PDE8B: variants seen among roughly 807,000 people sequenced by gnomAD.
PDE8B encodes phosphodiesterase 8B.
In PDE8B, 26 loss-of-function variants were observed where a neutral mutation model predicts 101.3. The observed-to-expected ratio is 0.26, with a 90% confidence interval of 0.19 to 0.36. The LOEUF is 0.36. PDE8B is among the 10% of genes least tolerant of loss of function. The pLI is 1.00. For synonymous variants in PDE8B, 424 were observed against 429.3 expected (o/e 0.99, Z 0.15); for missense variants, 810 against 1,163.1 (o/e 0.70, Z 4.42).
intron 1 of PDE8B, among the ~76,000 whole-genome samples, chr5:77,276,528 C>G (rs1270283227): frequency 1.3e-5 from 2 of 152,140 alleles, no homozygotes; most frequent in East Asian, 3.9e-4. Flanking sequence ...CAATAAATAC[C>G]TGGTGAATGA....
At chr5:77,166,717 T>A in the PDE8B span, 1 of 152,220 alleles carries the variant, frequency 6.6e-6, no homozygotes. Flanking sequence ...AGAGAGCCTG[T>A]GCTGCTGAGC....
intron 10 of PDE8B, among the ~76,000 whole-genome samples, chr5:77,363,968 T>C (rs1783633126): frequency 6.6e-6 from 1 of 152,140 alleles, no homozygotes; most frequent in South Asian, 2.1e-4. Flanking sequence ...GTGTTTGGGC[T>C]GAAGTAGATC....
At chr5:77,411,862 C>G (rs1794635639) in intron 15 of PDE8B, 141 bp downstream of exon 15, 1 of 761,988 alleles carries the variant, frequency 1.3e-6, no homozygotes, top group Non-Finnish European at 2.3e-6. Flanking sequence ...ACATTTAAAA[C>G]TAGTCTCCTA....
At chr5:77,367,834 G>T (rs1581273424) in intron 10 of PDE8B, among the ~76,000 whole-genome samples, 2 of 152,098 alleles carry the variant, frequency 1.3e-5, no homozygotes, top group African/African-American at 4.8e-5. Context: ...TAGCTGGGAA[G>T]TTCTACCGTT....
chr5:77,384,307 GT>G (rs1429845226), intron 10 of PDE8B, among the ~76,000 whole-genome samples: 7 of 152,196 alleles, frequency 4.6e-5, no homozygotes, highest in African/African-American at 1.4e-4. Flanking sequence ...AGGAATGCTT[GT>G]GATTTTTGCA....
intron 11 of PDE8B, 118 bp from the exon 12 acceptor site, chr5:77,404,602 T>C: frequency 1.5e-6 from 1 of 684,380 alleles, no homozygotes. Flanking sequence ...AAAATTATTT[T>C]ATAGTGCTTA....
chr5:77,323,739 A>C (rs895742805), intron 2 of PDE8B, among the ~76,000 whole-genome samples: 3 of 152,096 alleles, frequency 2.0e-5, no homozygotes, highest in African/African-American at 4.8e-5. Context: ...TGGGCGGATC[A>C]TGAGGTCAGG....
intron 1 of PDE8B, among the ~76,000 whole-genome samples, chr5:77,275,393 TA>T (rs5868862): frequency 0.51 from 78,052 of 151,784 alleles, 20,274 homozygotes; most frequent in South Asian, 0.66. Flanking sequence ...GAGGACCACT[TA>T]AAAAATTCTT....
At chr5:77,388,823 C>T (rs1034845833) in intron 10 of PDE8B, among the ~76,000 whole-genome samples, 5 of 152,118 alleles carry the variant, frequency 3.3e-5, no homozygotes, top group Admixed American at 6.5e-5. Context: ...TACTGAGCTG[C>T]GGTGGGCTCC....
At chr5:77,337,545 G>A (rs908770123) in intron 6 of PDE8B, among the ~76,000 whole-genome samples, 5 of 152,128 alleles carry the variant, frequency 3.3e-5, no homozygotes, top group African/African-American at 1.2e-4. Context: ...ACTATTTACA[G>A]AATTTTAAAA....
chr5:77,400,140 TTTC>T, intron 10 of PDE8B, 105 bp from the exon 11 acceptor site: 2 of 800,072 alleles, frequency 2.5e-6, no homozygotes, highest in Admixed American at 3.6e-5. Context: ...AGCTTCTTGC[TTTC>T]TTCAAGTCTT....
At chr5:77,099,908 C>A in the PDE8B span, among the ~76,000 whole-genome samples, 518 of 152,304 alleles carry the variant, frequency 3.4e-3, 3 homozygotes, top group African/African-American at 0.012. Context: ...CAACGCCCGG[C>A]CCGGGGTGAC....
At chr5:77,362,363 A>G (rs1258294462) in intron 10 of PDE8B, among the ~76,000 whole-genome samples, 2 of 152,220 alleles carry the variant, frequency 1.3e-5, no homozygotes, top group East Asian at 1.9e-4. Context: ...TCCCTTCCCA[A>G]GCACATTACT....
chr5:77,123,196 G>C, the PDE8B span, among the ~76,000 whole-genome samples: 1 of 152,070 alleles, frequency 6.6e-6, no homozygotes, highest in Non-Finnish European at 1.5e-5. Context: ...CCTATTGGTA[G>C]GCAATCTCTG....
At chr5:77,209,379 A>G (rs541310934), upstream of PDE8B, among the ~76,000 whole-genome samples, 28 of 152,280 alleles carry the variant, frequency 1.8e-4, no homozygotes, top group African/African-American at 6.7e-4. Context: ...AAAAAAAAAC[A>G]AAAAACAAAC....
intron 1 of PDE8B, among the ~76,000 whole-genome samples, chr5:77,284,864 A>G (rs542985973): frequency 9.8e-5 from 15 of 152,330 alleles, no homozygotes; most frequent in African/African-American, 2.4e-4. Flanking sequence ...TCACAATTCA[A>G]TGTTAATGGA....
the PDE8B span, among the ~76,000 whole-genome samples, chr5:77,161,047 T>C: frequency 2.0e-5 from 3 of 152,360 alleles, no homozygotes; most frequent in African/African-American, 7.2e-5. Flanking sequence ...TGGATGTTTA[T>C]TATGAATTTT....
chr5:77,388,705 A>G (rs1041200019), intron 10 of PDE8B, among the ~76,000 whole-genome samples: 2 of 152,090 alleles, frequency 1.3e-5, no homozygotes, highest in Non-Finnish European at 2.9e-5. Context: ...TGTCCCAGGG[A>G]GATGGGGGTT....
At chr5:77,412,824 G>A (rs1315632777) in intron 16 of PDE8B, among the ~76,000 whole-genome samples, 1 of 152,090 alleles carries the variant, frequency 6.6e-6, no homozygotes, top group Admixed American at 6.5e-5. Context: ...GGATGGAGAG[G>A]GACTGCCAGG....
Sources: allele counts gnomAD v4.1 joint callset (sites outside exome capture counted in the v4.1 genomes callset), GRCh38; gene constraint gnomAD v4.1.1; transcripts MANE v1.5; gene names NCBI Gene and HGNC (gene_info 2026-07-23, HGNC 2026-07-21).